The following GNL3 variants were observed in gnomAD, a reference collection of about 807,000 sequenced individuals.
The protein encoded by GNL3 is G protein nucleolar 3, also known as guanine nucleotide-binding protein-like 3.
In GNL3, 77 loss-of-function variants were observed where a neutral mutation model predicts 70.6. The ratio of observed to expected loss-of-function variants is 1.09; its 90% CI spans 0.91 to 1.32. The LOEUF (loss-of-function observed/expected upper bound fraction) is 1.32, where lower values mean the gene tolerates loss of function less well. GNL3 is among the 40% of genes most tolerant of loss of function. The probability of loss-of-function intolerance (pLI) is 0.00; values close to 1 mark genes in which losing one functional copy is unlikely to be tolerated. For missense variants in GNL3, 634 were observed against 644.0 expected (o/e 0.98, Z 0.17); for synonymous variants, 252 against 216.1 (o/e 1.17, Z -1.46).
chr3:52,686,117 C>A lies in GNL3; in HGVS notation c.13+12C>A, dbSNP rs773579745. 1 of 1,568,986 alleles carries A rather than the reference C, an allele frequency of 6.4e-7. No homozygotes were observed. Among genetic ancestry groups the A allele is most frequent in the Non-Finnish European group, 8.8e-7 (1 of 1,140,084 alleles). On this transcript the variant is annotated intron_variant, in intron 1 of 14. Coordinates refer to ENST00000418458, the MANE Select transcript of GNL3 (RefSeq NM_014366.5). ...TATGAAAAGGCCTAGTAAGTGGGGT[C>A]GGGAGGCGGGCGTGGAGGGACCCAC...
At chr3:52,687,021 A>T in intron 2 of GNL3, 194 bp downstream of exon 2, 1 of 630,686 alleles carries the variant, frequency 1.6e-6, no homozygotes, top group Non-Finnish European at 2.8e-6. Context: ...ATAAGTCTCT[A>T]AATTTGTTCA....
At chr3:52,691,499 A>C in intron 8 of GNL3, 43 bp from the exon 9 acceptor site, 1 of 1,142,254 alleles carries the variant, frequency 8.8e-7, no homozygotes, top group Non-Finnish European at 1.3e-6. Context: ...ATAAGTGCCA[A>C]CATATAATGC....
At chr3:52,687,102 C>T in intron 2 of GNL3, 144 bp from the exon 3 acceptor site, 2 of 704,186 alleles carry the variant, frequency 2.8e-6, no homozygotes, top group Non-Finnish European at 4.8e-6. Context: ...ATATGCATTA[C>T]TTTGTAAGAT....
chr3:52,691,823 C>T (rs1269600484), intron 9 of GNL3, among the ~76,000 whole-genome samples, 194 bp downstream of exon 9: 1 of 151,936 alleles, frequency 6.6e-6, no homozygotes, highest in East Asian at 1.9e-4. Flanking sequence ...CTGCCTCAGC[C>T]TCCAGAGTAG....
chr3:52,693,119 T>G, intron 10 of GNL3, 68 bp from the exon 11 acceptor site: 1 of 1,599,116 alleles, frequency 6.3e-7, no homozygotes, highest in Non-Finnish European at 8.5e-7. Context: ...TAGAAAAATC[T>G]TGGAAGTGTT....
chr3:52,689,036 C>G, intron 5 of GNL3, 38 bp from the exon 6 acceptor site: 1 of 1,578,484 alleles, frequency 6.3e-7, no homozygotes. Context: ...ATCATTTTCT[C>G]CTTGATAATG....
intron 1 of GNL3, 63 bp from the exon 2 acceptor site, chr3:52,686,706 C>T (rs1578561319): frequency 3.3e-6 from 4 of 1,223,028 alleles, no homozygotes; most frequent in Admixed American, 3.5e-5. Flanking sequence ...GATATAACTC[C>T]ATAGTGCGTT....
chr3:52,692,614 G>T, intron 9 of GNL3: 1 of 524,560 alleles, frequency 1.9e-6, no homozygotes, highest in Non-Finnish European at 3.7e-6. Flanking sequence ...ACCGCGCCCA[G>T]CCAGAAGGTG....
rs764607024 is a variant in GNL3 at position 52,692,924 on chromosome 3, A to G, written c.922A>G (p.Ser308Gly). 1 of 1,613,570 alleles carries G rather than the reference A, an allele frequency of 6.2e-7. No homozygotes were observed. Among genetic ancestry groups the G allele is most frequent in the South Asian group, 1.1e-5 (1 of 91,066 alleles). ...DKQITIIDSP[S>G]FIVSPLNSSS... ...ACAGATCACAATCATAGATAGTCCG[A>G]GCTTCATCGTATCTCCACTTAATTC... is the stretch of plus-strand genomic sequence containing the variant. The change falls in exon 10 of 15, where the codon AGC becomes GGC. Residue 308 changes from serine (S) to glycine (G), a missense_variant. Physicochemically the swap from Ser to Gly is moderately conservative, Grantham distance 56 (BLOSUM62 0). Transcript: ENST00000418458.
At chr3:52,690,861 C>A in intron 7 of GNL3, 84 bp from the exon 8 acceptor site, 2 of 1,382,882 alleles carry the variant, frequency 1.4e-6, no homozygotes, top group African/African-American at 1.4e-5. Flanking sequence ...ATCTTAAGAG[C>A]TGGGCTCTGG....
chr3:52,689,229 G>T, intron 6 of GNL3, 23 bp downstream of exon 6: 1 of 1,603,186 alleles, frequency 6.2e-7, no homozygotes, highest in Middle Eastern at 1.7e-4. Flanking sequence ...GGTACCCTTT[G>T]TCTTCTGTGT....
Position 52,689,224 on chromosome 3 carries a change from C to T in GNL3, c.541+18C>T, listed in dbSNP as rs750976703. 4 of 1,607,574 alleles carry T rather than the reference C, an allele frequency of 2.5e-6. No homozygotes were observed. The highest frequency in any genetic ancestry group is 8.5e-7 in the Non-Finnish European group (1 of 1,174,514). On this transcript the variant is annotated intron_variant, in intron 6 of 14. Coordinates refer to ENST00000418458, the MANE Select transcript of GNL3 (RefSeq NM_014366.5). Reference sequence around the variant, plus strand: ...TAAATCAGGTGAGTAAAGAGGGTACCCTTTGTCTTCTGTGTACATGGGTGA... The same window carrying T: ...TAAATCAGGTGAGTAAAGAGGGTACTCTTTGTCTTCTGTGTACATGGGTGA...
rs1053787808 is a variant in GNL3, at chr3:52,692,858, C to T, written c.870-14C>T. ...AGACCAATGCCCCCATCAATTCCATCGCTCTTCTTTCAGGAGCATGCAAGT... is the reference window on the plus strand; with the variant it reads ...AGACCAATGCCCCCATCAATTCCATTGCTCTTCTTTCAGGAGCATGCAAGT... On this transcript the variant is annotated splice_polypyrimidine_tract_variant and intron_variant, in intron 9 of 14. Coordinates refer to ENST00000418458, the MANE Select transcript of GNL3 (RefSeq NM_014366.5). 7.5e-6 allele frequency: 12 copies of T among 1,603,342 alleles called. No individual in the cohort carries two copies. In the African/African-American group the frequency reaches 1.2e-4, roughly 16 times the overall value.
At position 52,686,821 on chromosome 3, in the gene GNL3, A is replaced by C. The variant is rs2097315086; in HGVS notation, c.66A>C (p.Gln22His). The change falls in exon 2 of 15, where the codon CAA becomes CAC. Residue 22 changes from glutamine to histidine, a missense_variant. By Grantham distance (24) the Gln-to-His change is conservative. Coordinates refer to ENST00000418458, the MANE Select transcript of GNL3 (RefSeq NM_014366.5). ...CCTGCCATAAGCGGTATAAAATCCA[A>C]AAAAAGGTAAGTGTAGTGCTTGAGA... ...RMTCHKRYKI[Q>H]KKVREHHRKL... 1.2e-6 allele frequency: 2 copies of C among 1,610,036 alleles called. No homozygotes were observed. The highest frequency in any genetic ancestry group is 1.3e-5 in the African/African-American group (1 of 74,860).
chr3:52,688,839 TC>T, intron 5 of GNL3: 3 of 532,876 alleles, frequency 5.6e-6, no homozygotes, highest in Non-Finnish European at 1.0e-5. Context: ...ATTTTTGAAA[TC>T]CATCTTGATC....
Position 52,693,346 on chromosome 3 carries a change from G to C in GNL3, c.1187+17G>C. The stretch of plus-strand genomic sequence containing the variant: ...GTGGACAGGGTAAGCTTTCTTTTCT[G>C]TTGGCATTTTGGTGACCACTAGAAT... On this transcript the variant is annotated intron_variant, in intron 11 of 14. Transcript: ENST00000418458. The C allele has an allele frequency of 1.2e-6, 2 of 1,613,592 alleles. No individual in the cohort carries two copies. The highest frequency in any genetic ancestry group is 2.2e-5 in the South Asian group (2 of 91,038).
At chr3:52,687,473 T>C (rs1197263077) in intron 3 of GNL3, 29 bp from the exon 4 acceptor site, 9 of 1,588,128 alleles carry the variant, frequency 5.7e-6, no homozygotes, top group Middle Eastern at 1.7e-4. Flanking sequence ...TAGTCACTGG[T>C]TCACCTATTT....
rs187015844 is a variant in GNL3, at chr3:52,690,177, G to A, written c.542-415G>A. On this transcript the variant is annotated intron_variant, in intron 6 of 14. Transcript: ENST00000418458. Reference sequence around the variant, plus strand: ...CTAGTTAAATCCTTTTGAAAGGACTGGGAAAATGTAAACCAGAGTAAAATC... The same window carrying A: ...CTAGTTAAATCCTTTTGAAAGGACTAGGAAAATGTAAACCAGAGTAAAATC... 1.3e-3 allele frequency among the ~76,000 whole-genome samples: 196 copies of A among 152,328 alleles called. 1 individual carries two copies. Among genetic ancestry groups the A allele is most frequent in the Admixed American group, 2.2e-3 (34 of 15,300 alleles).
At chr3:52,686,912 T>G in intron 2 of GNL3, 85 bp downstream of exon 2, 1 of 1,051,936 alleles carries the variant, frequency 9.5e-7, no homozygotes, top group South Asian at 1.3e-5. Context: ...TCTGGGTTAA[T>G]GTGATTTGGT....
Sources: allele counts gnomAD v4.1 joint callset (sites outside exome capture counted in the v4.1 genomes callset), GRCh38; gene constraint gnomAD v4.1.1; transcripts MANE v1.5; gene names NCBI Gene and HGNC (gene_info 2026-07-23, HGNC 2026-07-21).